Variants in GCC2 observed in about 807,000 individuals in gnomAD.
GCC2 encodes GRIP and coiled-coil domain containing 2, also known as GRIP and coiled-coil domain-containing protein 2.
GCC2 carries 120 observed loss-of-function variants against 210.6 expected under a neutral mutation model. The observed-to-expected ratio is 0.57, with a 90% CI of 0.49 to 0.66. The LOEUF (loss-of-function observed/expected upper bound fraction) is 0.66, where lower values mean the gene tolerates loss of function less well. Ranked by LOEUF, GCC2 falls within the 30% of genes least tolerant of loss-of-function variation. The pLI is 0.00. For synonymous variants in GCC2, 703 were observed against 652.7 expected (o/e 1.08, Z -1.17); for missense variants, 1,868 against 1,871.9 (o/e 1.00, Z 0.04).
intron 2 of GCC2, 133 bp downstream of exon 2, chr2:108,449,822 A>G: frequency 1.5e-6 from 1 of 665,178 alleles, no homozygotes; most frequent in South Asian, 1.8e-5. Context: ...TCTCAATTTT[A>G]GTGTGCGCAA....
intron 22 of GCC2, among the ~76,000 whole-genome samples, chr2:108,506,513 G>A (rs964880885): frequency 3.9e-5 from 6 of 152,182 alleles, no homozygotes; most frequent in East Asian, 1.9e-4. Flanking sequence ...GGCCTTGGTC[G>A]GTGGTGGTAC....
At chr2:108,455,476 C>T (rs1227981520) in intron 4 of GCC2, among the ~76,000 whole-genome samples, 1 of 151,846 alleles carries the variant, frequency 6.6e-6, no homozygotes, top group Non-Finnish European at 1.5e-5. Flanking sequence ...GCCAACTTTA[C>T]CTTTAAGGTT....
chr2:108,470,356 G>A lies in GCC2; in HGVS notation c.1027G>A (p.Glu343Lys). The change falls in exon 6 of 23, where the codon GAA becomes AAA. Residue 343 changes from glutamate (E) to lysine (K), a missense_variant. Glu to Lys is a moderately conservative substitution (Grantham distance 56). Around this residue, in one of 3 missense-constraint regions of GCC2, gnomAD observed 1,847 missense variants for 1,765.2 expected, o/e 1.05. Coordinates refer to ENST00000309863, the MANE Select transcript of GCC2 (RefSeq NM_181453.4). ...KVKHLEDTLK[E>K]LESQHSILKD... Reference sequence around the variant, plus strand: ...CAAACACTTAGAAGATACCTTAAAAGAACTTGAATCTCAACACAGTATCTT... The same window carrying A: ...CAAACACTTAGAAGATACCTTAAAAAAACTTGAATCTCAACACAGTATCTT... 1 of 1,605,826 alleles carries A rather than the reference G, an allele frequency of 6.2e-7. No homozygotes were observed. The highest frequency in any genetic ancestry group is 1.3e-5 in the African/African-American group (1 of 74,596).
chr2:108,474,575 G>C (rs1226174564), intron 7 of GCC2, among the ~76,000 whole-genome samples: 1 of 152,122 alleles, frequency 6.6e-6, no homozygotes, highest in Non-Finnish European at 1.5e-5. Context: ...TTGCTATAGG[G>C]AGAAAAAAAG....
chr2:108,463,171 T>C (rs1327115634), intron 4 of GCC2, among the ~76,000 whole-genome samples: 1 of 152,164 alleles, frequency 6.6e-6, no homozygotes, highest in Non-Finnish European at 1.5e-5. Context: ...TATCGAAATT[T>C]TGAATTCTTT....
At chr2:108,458,044 G>T (rs1207817919) in intron 4 of GCC2, among the ~76,000 whole-genome samples, 1 of 152,172 alleles carries the variant, frequency 6.6e-6, no homozygotes, top group South Asian at 2.1e-4. Flanking sequence ...TTTGTGTGAT[G>T]TTAATGTGAG....
chr2:108,449,385 C>A, intron 1 of GCC2, 105 bp downstream of exon 1: 2 of 1,475,580 alleles, frequency 1.4e-6, no homozygotes, highest in East Asian at 2.5e-5. Context: ...CTCTTGGTGT[C>A]CCGAAGCCCG....
intron 22 of GCC2, among the ~76,000 whole-genome samples, chr2:108,504,854 T>C (rs1412699573): frequency 6.6e-6 from 1 of 152,084 alleles, no homozygotes; most frequent in Admixed American, 6.6e-5. Flanking sequence ...TCTAAAACTC[T>C]CTACAAGTAA....
chr2:108,452,446 G>T lies in GCC2; in HGVS notation c.196G>T (p.Gly66Ter). The T allele has an allele frequency of 6.5e-7, 1 of 1,549,600 alleles. No homozygotes were observed. The highest frequency in any genetic ancestry group is 8.9e-7 in the Non-Finnish European group (1 of 1,122,072). The change falls in exon 4 of 23, where the codon GGA (glycine) becomes TGA (stop). Residue 66 changes from glycine to a stop codon, truncating the protein, a stop_gained. Transcript: ENST00000309863. LOFTEE classifies it high-confidence loss of function. Reference sequence around the variant, plus strand: ...ACTCAGATCAAAACCTGTTACTGAAGGAACTGGTGATATTATTAAGGTAAT... The same window carrying T: ...ACTCAGATCAAAACCTGTTACTGAATGAACTGGTGATATTATTAAGGTAAT... ...EELRSKPVTE[G>*]TGDIIKALTE... is the part of the protein sequence containing the mutation.
rs112971525 is a variant in GCC2 at position 108,483,075 on chromosome 2, C to G, written c.3359C>G (p.Thr1120Ser). ...KEQKIKEHAT[T>S]VNELEELQVQ... ...TTTTAATTTCAGGAACATGCCACTACTGTAAATGAACTTGAAGAACTTCAG... is the reference window on the plus strand; with the variant it reads ...TTTTAATTTCAGGAACATGCCACTAGTGTAAATGAACTTGAAGAACTTCAG... Residue 1120 changes from threonine (T) to serine (S), a missense_variant, in exon 12 of 23, where the codon ACT becomes AGT. Coordinates refer to ENST00000309863, the MANE Select transcript of GCC2 (RefSeq NM_181453.4). 1,707 of 1,559,986 alleles carry G rather than the reference C, an allele frequency of 1.1e-3. 10 individuals carry two copies. The African/African-American group carries it at 0.013, about 12-fold the overall frequency.
At position 108,471,817 on chromosome 2, in the gene GCC2, A is replaced by C. The variant is rs1306956276; in HGVS notation, c.2488A>C (p.Lys830Gln). 3.7e-6 allele frequency: 6 copies of C among 1,613,330 alleles called. No individual in the cohort carries two copies. Among genetic ancestry groups the C allele is most frequent in the Non-Finnish European group, 3.4e-6 (4 of 1,179,488 alleles). Residue 830 changes from lysine to glutamine, a missense_variant, in exon 6 of 23, where the codon AAG (lysine) becomes CAG (glutamine). Lys to Gln is a moderately conservative substitution (Grantham distance 53, BLOSUM62 1). This residue lies in a region of GCC2 where 1,847 missense variants were observed against 1,765.2 expected (regional missense o/e 1.05). Coordinates refer to ENST00000309863, the MANE Select transcript of GCC2 (RefSeq NM_181453.4). ...EESVVQCEEL[K>Q]SLLRDYEQEK... ...GAGTGTAGTTCAGTGTGAAGAACTT[A>C]AGTCTTTATTGAGAGACTATGAGCA...
In GCC2 at chr2:108,492,751, G is replaced by T. The variant is rs776879822; in HGVS notation, c.4408G>T (p.Ala1470Ser). The T allele has an allele frequency of 1.2e-6, 2 of 1,613,816 alleles. No homozygotes were observed. The highest frequency in any genetic ancestry group is 1.7e-6 in the Non-Finnish European group (2 of 1,179,666). The change falls in exon 19 of 23, where the codon GCA becomes TCA. Residue 1470 changes from alanine (A) to serine (S), a missense_variant. Transcript: ENST00000309863. ...ACAGCAGCAGCTCTCCAAGATGGAA[G>T]CACAGCTCTTCCAGCTTAAGAATGA... ...TLQQQLSKME[A>S]QLFQLKNEPT...
chr2:108,457,688 C>T (rs776846000), intron 4 of GCC2, among the ~76,000 whole-genome samples: 2 of 152,154 alleles, frequency 1.3e-5, no homozygotes, highest in Non-Finnish European at 2.9e-5. Context: ...AGAGATCTTA[C>T]ACTTCTTTGG....
rs1683337946 is a variant in GCC2 at position 108,508,796 on chromosome 2, G to C, written c.*1166G>C. 6.6e-6 allele frequency: 1 copy of C among 152,600 alleles called. No homozygotes were observed. The allele number at this position is 152,600 out of a possible 1,614,324, so 9.5% of individuals were successfully genotyped here. On this transcript the variant is annotated 3_prime_UTR_variant, in exon 23 of 23. Transcript: ENST00000309863. ...ATGTTTTAATGACTAGATCCAAACT[G>C]TGTTGTTCTTAAATCAAAAATTGGA...
At position 108,502,282 on chromosome 2, in the gene GCC2, T is replaced by C. The variant is rs201803369; in HGVS notation, c.4984+2528T>C. The stretch of plus-strand genomic sequence containing the variant: ...AAATACTCAGCATGTCTAACAGGCC[T>C]CTTTTAAAAGCTCAGCATGTTTAAT... On this transcript the variant is annotated intron_variant, in intron 22 of 22. Coordinates refer to ENST00000309863, the MANE Select transcript of GCC2 (RefSeq NM_181453.4). 4.6e-5 allele frequency among the ~76,000 whole-genome samples: 7 copies of C among 152,202 alleles called. No individual in the cohort carries two copies. The East Asian group carries it at 1.3e-3, about 29-fold the overall frequency.
At position 108,479,293 on chromosome 2, in the gene GCC2, T is replaced by A. The variant is rs542619966; in HGVS notation, c.3061-2404T>A. ...TCAGCCACCAGTTGAGTCAAATAAT[T>A]GACCATGTGTAAATGAGAATTAGAA... On this transcript the variant is annotated intron_variant, in intron 9 of 22. Transcript: ENST00000309863. Among the ~76,000 whole-genome samples the A allele has an allele frequency of 3.3e-4, 51 of 152,270 alleles. 1 individual carries two copies. Among genetic ancestry groups the A allele is most frequent in the African/African-American group, 1.2e-3 (50 of 41,558 alleles).
intron 4 of GCC2, among the ~76,000 whole-genome samples, chr2:108,458,439 C>T (rs1573348162): frequency 8.3e-6 from 1 of 119,836 alleles, no homozygotes; most frequent in Non-Finnish European, 1.6e-5. Flanking sequence ...CACCAGCTTT[C>T]TAGAATGAGT....
At chr2:108,462,072 C>T (rs1202029889) in intron 4 of GCC2, among the ~76,000 whole-genome samples, 22 of 146,108 alleles carry the variant, frequency 1.5e-4, no homozygotes, top group Non-Finnish European at 4.6e-5. Flanking sequence ...CTCCTGACCT[C>T]GTGATCCGCC....
Position 108,470,305 on chromosome 2 carries a change from G to A in GCC2, c.976G>A (p.Val326Ile). 6.2e-7 allele frequency: 1 copy of A among 1,612,614 alleles called. No homozygotes were observed. Among genetic ancestry groups the A allele is most frequent in the Non-Finnish European group, 8.5e-7 (1 of 1,179,386 alleles). The part of the protein sequence containing the change: ...CSILLQENTF[V>I]EQVVNEKVKH... ...TATTCTCTTGCAAGAAAATACATTTGTAGAACAAGTAGTAAATGAAAAAGT... is the reference window on the plus strand; with the variant it reads ...TATTCTCTTGCAAGAAAATACATTTATAGAACAAGTAGTAAATGAAAAAGT... The change falls in exon 6 of 23, where the codon GTA becomes ATA. Residue 326 changes from valine to isoleucine, a missense_variant. Coordinates refer to ENST00000309863, the MANE Select transcript of GCC2 (RefSeq NM_181453.4).
Sources: gnomAD v4.1 joint callset for allele counts (sites outside exome capture counted in the v4.1 genomes callset) on GRCh38, gnomAD v4.1.1 for gene constraint, gnomAD v4.1.1 regional missense constraint, MANE v1.5 for transcripts, NCBI Gene and HGNC (gene_info 2026-07-23, HGNC 2026-07-21) for gene names.